EHMT1: variants seen among roughly 807,000 people sequenced by gnomAD.
The protein encoded by EHMT1 is histone-lysine N-methyltransferase EHMT1.
Under a neutral mutation model 147.2 loss-of-function variants are expected in EHMT1, and 15 were observed. The ratio of observed to expected loss-of-function variants is 0.10; its 90% confidence interval spans 0.07 to 0.16. The LOEUF (loss-of-function observed/expected upper bound fraction) is 0.16. Among genes scored for constraint, EHMT1 ranks in the 10% least tolerant of loss-of-function variants. The pLI, the probability that EHMT1 is intolerant of heterozygous loss-of-function variation, is 1.00. For missense variants in EHMT1, 1,587 were observed against 1,772.4 expected, an observed-to-expected ratio of 0.90 and a Z score of 1.88; for synonymous variants, 795 against 709.6, an observed-to-expected ratio of 1.12 and a Z score of -1.91.
chr9:137,635,834 CA>C (rs1844024341), intron 1 of EHMT1, among the ~76,000 whole-genome samples: 1 of 151,344 alleles, frequency 6.6e-6, no homozygotes. Context: ...CAAAACAAAA[CA>C]AAAAACAATA....
At chr9:137,833,503 C>T (rs1956367544) in intron 25 of EHMT1, among the ~76,000 whole-genome samples, 1 of 152,238 alleles carries the variant, frequency 6.6e-6, no homozygotes, top group South Asian at 2.1e-4. Flanking sequence ...GGACCACCTA[C>T]CTTACTCCCA....
chr9:137,722,239 A>G (rs961063400), intron 3 of EHMT1, among the ~76,000 whole-genome samples: 1 of 152,194 alleles, frequency 6.6e-6, no homozygotes, highest in East Asian at 1.9e-4. Context: ...ATCCTATTAC[A>G]TTCCTTTAGG....
At chr9:137,748,218 T>C (rs1460733454) in intron 6 of EHMT1, among the ~76,000 whole-genome samples, 1 of 152,244 alleles carries the variant, frequency 6.6e-6, no homozygotes, top group Non-Finnish European at 1.5e-5. Context: ...CTGTGGTGGC[T>C]GACACTGTGT....
rs1588950845 is a variant in EHMT1, at chr9:137,835,152, C to T, written c.*199C>T. On this transcript the variant is annotated 3_prime_UTR_variant, in exon 27 of 27. Transcript: ENST00000460843. Reference sequence around the variant, plus strand: ...CCAGCCACCTTCCCAGACCTGCGGCCTCACCGCGGGCCCAGTGCCCAGGCT... The same window carrying T: ...CCAGCCACCTTCCCAGACCTGCGGCTTCACCGCGGGCCCAGTGCCCAGGCT... 1.3e-5 allele frequency: 7 copies of T among 552,904 alleles called. No homozygotes were observed. Among genetic ancestry groups the T allele is most frequent in the East Asian group, 7.8e-5 (2 of 25,668 alleles). 34.2% of individuals were successfully genotyped at this position (552,904 alleles called of 1,614,324 possible). A position where few individuals can be genotyped will look rare whatever the true frequency, so the allele number is the denominator to read the frequency against.
At chr9:137,626,669 G>A (rs971134669) in intron 1 of EHMT1, among the ~76,000 whole-genome samples, 6 of 151,782 alleles carry the variant, frequency 4.0e-5, no homozygotes, top group East Asian at 1.9e-4. Flanking sequence ...CCATTTTGCC[G>A]TGTTGCGAAT....
intron 3 of EHMT1, among the ~76,000 whole-genome samples, chr9:137,718,068 T>C (rs1357484523): frequency 6.3e-5 from 9 of 143,410 alleles, no homozygotes; most frequent in African/African-American, 1.0e-4. Flanking sequence ...CCTCACGCAC[T>C]GTGATGATTT....
intron 3 of EHMT1, among the ~76,000 whole-genome samples, chr9:137,721,733 TC>T (rs1946078062): frequency 6.6e-6 from 1 of 152,132 alleles, no homozygotes; most frequent in African/African-American, 2.4e-5. Flanking sequence ...CTTTCAGACT[TC>T]TGCTCGTTTT....
At chr9:137,810,312 G>A (rs1206302790) in intron 18 of EHMT1, among the ~76,000 whole-genome samples, 2 of 152,244 alleles carry the variant, frequency 1.3e-5, no homozygotes, top group African/African-American at 2.4e-5. Flanking sequence ...CTCGCACGGC[G>A]CCAACTGGAG....
intron 1 of EHMT1, chr9:137,646,232 T>G: frequency 1.9e-6 from 1 of 533,368 alleles, no homozygotes; most frequent in Non-Finnish European, 2.4e-6. Context: ...AGTGTTGGGA[T>G]TATAGGTGTG....
intron 8 of EHMT1, among the ~76,000 whole-genome samples, chr9:137,756,154 T>C (rs1472688738): frequency 6.6e-6 from 1 of 152,226 alleles, no homozygotes; most frequent in Admixed American, 6.5e-5. Context: ...TCCCTTGTTT[T>C]CTTCTTGGCA....
rs1955028870 is a variant in EHMT1, at chr9:137,817,668, GC to G, written c.3461+147del. ...TGGGGTGGGGGCCACAGAGACCCTG[GC>G]CCCGAGAACCAAGCTCGTGCTGTCC... is the stretch of plus-strand genomic sequence containing the variant. On this transcript the variant is annotated intron_variant, in intron 24 of 26. Transcript: ENST00000460843. 5.6e-6 allele frequency: 6 copies of G among 1,077,986 alleles called. No individual in the cohort carries two copies. In the South Asian group the frequency reaches 8.3e-5, roughly 15 times the overall value. The allele number at this position is 1,077,986 out of a possible 1,614,324, so 66.8% of individuals were successfully genotyped here. A position where few individuals can be genotyped will look rare whatever the true frequency, so the allele number is the denominator to read the frequency against.
intron 3 of EHMT1, among the ~76,000 whole-genome samples, chr9:137,722,736 CTG>C (rs1296731749): frequency 1.3e-5 from 2 of 148,672 alleles, no homozygotes; most frequent in African/African-American, 2.5e-5. Flanking sequence ...GCGGCAGAGA[CTG>C]TGGCGGTAGG....
chr9:137,635,473 C>T (rs1229355681), intron 1 of EHMT1, among the ~76,000 whole-genome samples: 1 of 151,690 alleles, frequency 6.6e-6, no homozygotes, highest in Non-Finnish European at 1.5e-5. Flanking sequence ...CCTTGGCCTC[C>T]CAAAGTGTTG....
intron 1 of EHMT1, among the ~76,000 whole-genome samples, chr9:137,668,629 C>G (rs955046790): frequency 7.2e-5 from 11 of 152,222 alleles, no homozygotes; most frequent in African/African-American, 2.2e-4. Flanking sequence ...CCCCACTCCC[C>G]CAACCCAGTC....
chr9:137,737,349 A>G (rs959939440), intron 4 of EHMT1, among the ~76,000 whole-genome samples: 1 of 152,220 alleles, frequency 6.6e-6, no homozygotes, highest in African/African-American at 2.4e-5. Context: ...ACAGAAATAA[A>G]CCTTTGTGTT....
At chr9:137,742,008 C>T (rs1948127238) in intron 4 of EHMT1, among the ~76,000 whole-genome samples, 1 of 152,196 alleles carries the variant, frequency 6.6e-6, no homozygotes, top group Non-Finnish European at 1.5e-5. Context: ...TGCTTGAGCA[C>T]AGCCATGCTG....
intron 23 of EHMT1, 47 bp from the exon 24 acceptor site, chr9:137,817,392 C>G: frequency 1.2e-6 from 2 of 1,609,192 alleles, no homozygotes; most frequent in Non-Finnish European, 1.7e-6. Context: ...ATTGTGGCAA[C>G]AGGCTGAGGC....
intron 18 of EHMT1, among the ~76,000 whole-genome samples, chr9:137,806,498 T>G (rs7020125): frequency 0.14 from 21,572 of 151,680 alleles, 5,017 homozygotes; most frequent in African/African-American, 0.49. Context: ...GCAGTGGTGC[T>G]ATCTTGGCTC....
In EHMT1 at chr9:137,762,745, G is replaced by A; in HGVS notation, c.1572G>A (p.Met524Ile). The change falls in exon 10 of 27, where the codon ATG becomes ATA. Residue 524 changes from methionine (M) to isoleucine (I), a missense_variant. Met to Ile is a conservative substitution (Grantham distance 10). Transcript: ENST00000460843. ...LQEVPLCSCR[M>I]ETPKSREITT... Reference sequence around the variant, plus strand: ...AAGTGCCTCTCTGCAGCTGCCGGATGGAAACACCGAAGAGTCGAGAGATCA... The same window carrying A: ...AAGTGCCTCTCTGCAGCTGCCGGATAGAAACACCGAAGAGTCGAGAGATCA... 1 of 1,614,218 alleles carries A rather than the reference G, an allele frequency of 6.2e-7. No individual in the cohort carries two copies. The highest frequency in any genetic ancestry group is 8.5e-7 in the Non-Finnish European group (1 of 1,180,046).
Sources: gnomAD v4.1 joint callset for allele counts (sites outside exome capture counted in the v4.1 genomes callset) on GRCh38, gnomAD v4.1.1 for gene constraint, MANE v1.5 for transcripts, NCBI Gene and HGNC (gene_info 2026-07-23, HGNC 2026-07-21) for gene names.